The following PTPRD variants were observed in gnomAD, a reference collection of about 807,000 sequenced individuals.
PTPRD encodes the protein receptor-type tyrosine-protein phosphatase delta.
A neutral mutation model predicts 214.5 loss-of-function variants in PTPRD; 34 were observed. That is an observed-to-expected ratio of 0.16 (90% CI 0.12 to 0.21). The LOEUF (loss-of-function observed/expected upper bound fraction) is 0.21, where lower values mean the gene tolerates loss of function less well. Ranked by LOEUF, PTPRD falls within the 10% of genes least tolerant of loss-of-function variation. The pLI, the probability that PTPRD is intolerant of heterozygous loss-of-function variation, is 1.00. For missense variants in PTPRD, 2,545 were observed against 2,398.7 expected, an observed-to-expected ratio of 1.06 and a Z score of -1.27; for synonymous variants, 1,128 against 845.7, an observed-to-expected ratio of 1.33 and a Z score of -5.79.
At chr9:8,350,986 A>G (rs929243207) in intron 39 of PTPRD, among the ~76,000 whole-genome samples, 3 of 152,160 alleles carry the variant, frequency 2.0e-5, no homozygotes, top group Non-Finnish European at 4.4e-5. Flanking sequence ...ACGGAGGTCT[A>G]TCTACACATA....
intron 9 of PTPRD, among the ~76,000 whole-genome samples, chr9:9,330,547 C>T (rs1418584951): frequency 6.6e-6 from 1 of 152,028 alleles, no homozygotes; most frequent in African/African-American, 2.4e-5. Context: ...ATAGTAAATA[C>T]AATAAGTAAT....
rs565107378 is a variant in PTPRD at position 10,603,227 on chromosome 9, G to GA, written c.-600+9170dup. On this transcript the variant is annotated intron_variant, in intron 2 of 45. Coordinates refer to ENST00000381196, the MANE Select transcript of PTPRD (RefSeq NM_002839.4). ...TGACAGATTGGAAATCCCAAAGGAA[G>GA]AAAAAAATACACTCAGAAGCATTTG... is the stretch of plus-strand genomic sequence containing the variant. 2.6e-5 allele frequency among the ~76,000 whole-genome samples: 4 copies of GA among 151,852 alleles called. No homozygotes were observed. In the South Asian group the frequency reaches 8.3e-4, roughly 32 times the overall value.
chr9:9,991,246 C>G (rs745589251), intron 4 of PTPRD, among the ~76,000 whole-genome samples: 1 of 150,536 alleles, frequency 6.6e-6, no homozygotes, highest in African/African-American at 2.4e-5. Context: ...GTAAAATATT[C>G]TCATAAACTT....
chr9:10,330,951 ATTCCAG>A (rs1374862644), intron 3 of PTPRD, among the ~76,000 whole-genome samples: 1 of 151,800 alleles, frequency 6.6e-6, no homozygotes, highest in African/African-American at 2.4e-5. Flanking sequence ...ACATACAAGA[ATTCCAG>A]TTTATCTTTA....
At chr9:9,901,430 A>T (rs1005580156) in intron 5 of PTPRD, among the ~76,000 whole-genome samples, 3 of 134,058 alleles carry the variant, frequency 2.2e-5, no homozygotes, top group Admixed American at 7.0e-5. Flanking sequence ...TGCAAAGATA[A>T]TCCTCTTTCA....
At chr9:8,566,577 G>A (rs985911165) in intron 14 of PTPRD, among the ~76,000 whole-genome samples, 2 of 152,164 alleles carry the variant, frequency 1.3e-5, no homozygotes, top group Admixed American at 6.5e-5. Flanking sequence ...TGAAGGAACA[G>A]ATCTGAGTAG....
At chr9:8,635,517 C>T (rs919720214) in intron 13 of PTPRD, among the ~76,000 whole-genome samples, 1 of 152,024 alleles carries the variant, frequency 6.6e-6, no homozygotes, top group African/African-American at 2.4e-5. Context: ...AACTACAACC[C>T]AATTTCCAAT....
At chr9:8,332,179 G>GGCATGTCATCCAGACCAGAGCA (rs1842113527) in intron 43 of PTPRD, among the ~76,000 whole-genome samples, 1 of 152,122 alleles carries the variant, frequency 6.6e-6, no homozygotes. Flanking sequence ...ATTGAAACAA[G>GGCATGTCATCCAGACCAGAGCA]CACCTAGGCA....
chr9:9,465,552 C>G (rs1298739620), intron 8 of PTPRD, among the ~76,000 whole-genome samples: 1 of 152,082 alleles, frequency 6.6e-6, no homozygotes, highest in East Asian at 1.9e-4. Flanking sequence ...AAAACAAATA[C>G]CCGAAAGACA....
intron 5 of PTPRD, among the ~76,000 whole-genome samples, chr9:9,786,527 G>T (rs563292750): frequency 6.6e-6 from 1 of 152,174 alleles, no homozygotes; most frequent in Non-Finnish European, 1.5e-5. Flanking sequence ...AAACACAACA[G>T]AATGTTATAG....
intron 10 of PTPRD, among the ~76,000 whole-genome samples, chr9:9,044,750 C>T (rs1206766972): frequency 6.6e-6 from 1 of 151,056 alleles, no homozygotes; most frequent in Non-Finnish European, 1.5e-5. Context: ...AACATTTTCT[C>T]CCAACTTCTT....
intron 14 of PTPRD, among the ~76,000 whole-genome samples, chr9:8,597,045 C>A (rs1594866300): frequency 6.6e-6 from 1 of 152,112 alleles, no homozygotes; most frequent in East Asian, 1.9e-4. Flanking sequence ...TAGATTTGCT[C>A]AAATAAATCA....
intron 11 of PTPRD, among the ~76,000 whole-genome samples, chr9:8,853,938 C>T (rs565657008): frequency 6.6e-6 from 1 of 152,138 alleles, no homozygotes; most frequent in African/African-American, 2.4e-5. Flanking sequence ...GAGATTCAGA[C>T]TAAATTTGGT....
rs1008548977 is a variant in PTPRD at position 10,129,727 on chromosome 9, G to C, written c.-544-95937C>G. The stretch of plus-strand genomic sequence containing the variant: ...ACCGTTCTGTCAGTAGCAAAGTAAA[G>C]TCTTGTATGTAAATGTCATTTGTGT... On this transcript the variant is annotated intron_variant, in intron 3 of 45. Coordinates refer to ENST00000381196, the MANE Select transcript of PTPRD (RefSeq NM_002839.4). 4.0e-5 allele frequency among the ~76,000 whole-genome samples: 6 copies of C among 151,802 alleles called. No individual in the cohort carries two copies. The South Asian group carries it at 1.2e-3, about 31-fold the overall frequency.
chr9:8,587,938 A>G (rs1039475512), intron 14 of PTPRD, among the ~76,000 whole-genome samples: 5 of 152,234 alleles, frequency 3.3e-5, no homozygotes, highest in Admixed American at 6.5e-5. Context: ...AGAATTAAGG[A>G]GTAAATAATA....
chr9:10,460,994 A>C (rs1264274953), intron 2 of PTPRD, among the ~76,000 whole-genome samples: 1 of 152,136 alleles, frequency 6.6e-6, no homozygotes, highest in East Asian at 1.9e-4. Flanking sequence ...ACCATATAAC[A>C]AATAAGGGGT....
chr9:9,917,332 AC>A (rs2081192748), intron 5 of PTPRD, among the ~76,000 whole-genome samples: 4 of 138,242 alleles, frequency 2.9e-5, no homozygotes, highest in Admixed American at 1.5e-4. Context: ...AAGAGAGTAG[AC>A]CTAAATAAAA....
Position 8,465,664 on chromosome 9 carries a change from C to T in PTPRD, c.3516G>A (p.Glu1172=), listed in dbSNP as rs2096530843. 6.2e-7 allele frequency: 1 copy of T among 1,606,792 alleles called. No homozygotes were observed. Among genetic ancestry groups the T allele is most frequent in the Non-Finnish European group, 8.5e-7 (1 of 1,176,640 alleles). The change falls in exon 32 of 46, where the codon GAG becomes GAA. Residue 1172 remains glutamate, a synonymous_variant. Coordinates refer to ENST00000381196, the MANE Select transcript of PTPRD (RefSeq NM_002839.4). ...DEMELDELLK[E]ISRKRRSIRY... The stretch of plus-strand genomic sequence containing the variant: ...GGATGCTTCTGCGCTTCCTAGATAT[C>T]TCCTTAAGCAGCTTAAGGAAAAAAG...
intron 11 of PTPRD, among the ~76,000 whole-genome samples, chr9:8,864,337 A>ATGCTTCAGGCAGTTAATGACTCACAAT (rs2098158680): frequency 6.6e-6 from 1 of 152,210 alleles, no homozygotes; most frequent in Admixed American, 6.5e-5. Flanking sequence ...AGACTCGGAC[A>ATGCTTCAGGCAGTTAATGACTCACAAT]TGCTTCAGGC....
Sources: gnomAD v4.1 joint callset for allele counts (sites outside exome capture counted in the v4.1 genomes callset) on GRCh38, gnomAD v4.1.1 for gene constraint, MANE v1.5 for transcripts, NCBI Gene and HGNC (gene_info 2026-07-23, HGNC 2026-07-21) for gene names.